Variants in EIF4E observed in about 807,000 individuals in gnomAD.
EIF4E encodes the protein eIF-4F 25 kDa subunit.
For missense variants in EIF4E, 113 were observed against 265.6 expected, an observed-to-expected ratio of 0.43 and a Z score of 3.99; for synonymous variants, 71 against 88.5, an observed-to-expected ratio of 0.80 and a Z score of 1.11.
intron 6 of EIF4E, among the ~76,000 whole-genome samples, 176 bp from the exon 7 acceptor site, chr4:98,881,318 C>T (rs1308482870): frequency 1.3e-5 from 2 of 151,884 alleles, no homozygotes; most frequent in African/African-American, 4.8e-5. Context: ...TTCATTTTTG[C>T]GATATTCTTG....
chr4:98,909,495 AC>A lies in EIF4E; in HGVS notation c.19-7514del, dbSNP rs1364323437. 3 of 581,082 alleles carry A rather than the reference AC, an allele frequency of 5.2e-6. No homozygotes were observed. In the East Asian group the frequency reaches 9.0e-5, roughly 18 times the overall value. 36.0% of individuals were successfully genotyped at this position (581,082 alleles called of 1,614,324 possible). On this transcript the variant is annotated intron_variant, in intron 1 of 6. Coordinates refer to ENST00000450253, the MANE Select transcript of EIF4E (RefSeq NM_001968.5). Reference sequence around the variant, plus strand: ...TCAAAAATAATGAAATGTAAACTGGACCCCATGATTTAATGCAAAAAACACC... The same window carrying A: ...TCAAAAATAATGAAATGTAAACTGGACCCATGATTTAATGCAAAAAACACC...
At chr4:98,922,574 T>G (rs931382149) in intron 1 of EIF4E, among the ~76,000 whole-genome samples, 62 of 147,224 alleles carry the variant, frequency 4.2e-4, no homozygotes, top group African/African-American at 1.3e-3. Context: ...AAAAAAGAAA[T>G]AAATGAGTTA....
At chr4:98,900,048 T>C (rs17028236) in intron 2 of EIF4E, among the ~76,000 whole-genome samples, 4,831 of 151,898 alleles carry the variant, frequency 0.032, 110 homozygotes, top group African/African-American at 0.063. Flanking sequence ...TTAGACTCCA[T>C]TCAAGCTGTG....
At chr4:98,892,273 A>G (rs1022120444) in intron 2 of EIF4E, among the ~76,000 whole-genome samples, 6 of 148,892 alleles carry the variant, frequency 4.0e-5, no homozygotes, top group African/African-American at 1.5e-4. Flanking sequence ...GTGAGCTGAG[A>G]TCACGCCACT....
At chr4:98,889,453 T>TG (rs1230352410) in intron 3 of EIF4E, among the ~76,000 whole-genome samples, 1 of 152,208 alleles carries the variant, frequency 6.6e-6, no homozygotes, top group Non-Finnish European at 1.5e-5. Context: ...TTCTCTTCTG[T>TG]GGTGCTCAAA....
At chr4:98,886,836 T>G in intron 5 of EIF4E, 7 of 473,574 alleles carry the variant, frequency 1.5e-5, no homozygotes, top group African/African-American at 2.0e-5. Context: ...ATGACCACAG[T>G]GAGCTTACTG....
intron 3 of EIF4E, 73 bp downstream of exon 3, chr4:98,891,164 G>C (rs1724127159): frequency 6.6e-7 from 1 of 1,509,880 alleles, no homozygotes. Flanking sequence ...TTCATTTTGT[G>C]AATTCGACTT....
chr4:98,884,301 A>C lies in EIF4E; in HGVS notation c.539+621T>G, dbSNP rs543265914. On this transcript the variant is annotated intron_variant, in intron 6 of 6. Transcript: ENST00000450253. ...AAACAGCACTTTCAAAGTAGGAAAT[A>C]ATACATTCTCATTTGTGAATGAATA... 1.9e-4 allele frequency among the ~76,000 whole-genome samples: 29 copies of C among 152,336 alleles called. No homozygotes were observed. The South Asian group carries it at 6.0e-3, about 32-fold the overall frequency.
intron 1 of EIF4E, 117 bp from the exon 2 acceptor site, chr4:98,902,099 C>G (rs1196817309): frequency 1.5e-5 from 13 of 861,850 alleles, no homozygotes; most frequent in Non-Finnish European, 2.0e-5. Context: ...GACAGAGTCT[C>G]TCTCTGTTGC....
chr4:98,902,462 T>C (rs1724692367), intron 1 of EIF4E, among the ~76,000 whole-genome samples: 1 of 152,202 alleles, frequency 6.6e-6, no homozygotes, highest in South Asian at 2.1e-4. Flanking sequence ...TCTATTCTCA[T>C]ATCTCTTCAT....
intron 3 of EIF4E, chr4:98,890,944 G>C (rs1247661234): frequency 9.4e-6 from 4 of 427,388 alleles, no homozygotes; most frequent in African/African-American, 6.0e-5. Context: ...TTGGCAACCA[G>C]GAGTGGAACA....
intron 2 of EIF4E, among the ~76,000 whole-genome samples, chr4:98,891,825 A>G (rs928772854): frequency 6.6e-6 from 1 of 152,234 alleles, no homozygotes; most frequent in Non-Finnish European, 1.5e-5. Context: ...TTAGGGAAAA[A>G]AGCAAAATGC....
intron 1 of EIF4E, among the ~76,000 whole-genome samples, chr4:98,914,732 A>G (rs1487925676): frequency 6.6e-6 from 1 of 152,182 alleles, no homozygotes; most frequent in East Asian, 1.9e-4. Context: ...CAAAACCCAC[A>G]GACTGTACAA....
intron 1 of EIF4E, chr4:98,909,904 A>C (rs1343361415): frequency 5.2e-6 from 3 of 578,948 alleles, no homozygotes; most frequent in Admixed American, 6.5e-5. Context: ...ATCATGGAGG[A>C]GGCGGCTGTC....
intron 3 of EIF4E, among the ~76,000 whole-genome samples, chr4:98,889,431 T>C (rs1318817566): frequency 6.6e-6 from 1 of 152,194 alleles, no homozygotes; most frequent in Non-Finnish European, 1.5e-5. Flanking sequence ...TTTTTCCCTT[T>C]TGCTGCCTCC....
rs1036876573 is a variant in EIF4E at position 98,879,663 on chromosome 4, C to T, written c.*1365G>A. On this transcript the variant is annotated 3_prime_UTR_variant, in exon 7 of 7. Coordinates refer to ENST00000450253, the MANE Select transcript of EIF4E (RefSeq NM_001968.5). ...TATGTCCCCACCACCTGTACTTTCC[C>T]TACACTATCATTTTGACACTTAACA... 2 of 152,108 alleles carry T rather than the reference C, an allele frequency of 1.3e-5. No individual in the cohort carries two copies. The highest frequency in any genetic ancestry group is 2.9e-5 in the Non-Finnish European group (2 of 67,988). The allele number at this position is 152,108 out of a possible 1,614,324, so 9.4% of individuals were successfully genotyped here.
At chr4:98,893,715 A>C (rs1463593298) in intron 2 of EIF4E, among the ~76,000 whole-genome samples, 1 of 152,226 alleles carries the variant, frequency 6.6e-6, no homozygotes, top group Non-Finnish European at 1.5e-5. Context: ...TGAACGCTTC[A>C]AAGTCATCAA....
At chr4:98,883,172 TGA>T (rs141456108) in intron 6 of EIF4E, among the ~76,000 whole-genome samples, 2,750 of 152,178 alleles carry the variant, frequency 0.018, 75 homozygotes, top group African/African-American at 0.062. Context: ...TTCAGGAGGC[TGA>T]GGCAAGAGAA....
intron 1 of EIF4E, among the ~76,000 whole-genome samples, chr4:98,927,734 G>A (rs965927425): frequency 6.9e-5 from 9 of 130,082 alleles, no homozygotes; most frequent in Non-Finnish European, 1.2e-4. Flanking sequence ...AAAACCACAA[G>A]CTACCATGAA....
Sources: gnomAD v4.1 joint callset for allele counts (sites outside exome capture counted in the v4.1 genomes callset) on GRCh38, gnomAD v4.1.1 for gene constraint, MANE v1.5 for transcripts, NCBI Gene and HGNC (gene_info 2026-07-23, HGNC 2026-07-21) for gene names.